GRB10: variants seen among roughly 807,000 people sequenced by gnomAD.
The protein encoded by GRB10 is growth factor receptor bound protein 10.
In GRB10, 20 loss-of-function variants were observed where a neutral mutation model predicts 80.9. That is an observed-to-expected ratio of 0.25 (90% CI 0.17 to 0.36). The LOEUF (loss-of-function observed/expected upper bound fraction) is 0.36. Among genes scored for constraint, GRB10 ranks in the 10% least tolerant of loss-of-function variants. The pLI, the probability that GRB10 is intolerant of heterozygous loss-of-function variation, is 1.00. For missense variants in GRB10, 548 were observed against 747.7 expected, an observed-to-expected ratio of 0.73 and a Z score of 3.12; for synonymous variants, 291 against 291.5, an observed-to-expected ratio of 1.00 and a Z score of 0.02.
At chr7:50,658,842 G>A (rs1250302167) in intron 7 of GRB10, among the ~76,000 whole-genome samples, 1 of 152,190 alleles carries the variant, frequency 6.6e-6, no homozygotes, top group African/African-American at 2.4e-5. Flanking sequence ...CTGCCTCGCT[G>A]CAATTGCATC....
intron 4 of GRB10, among the ~76,000 whole-genome samples, chr7:50,711,589 T>C (rs1315851312): frequency 1.3e-5 from 2 of 152,198 alleles, no homozygotes; most frequent in Non-Finnish European, 2.9e-5. Context: ...GAAGAGTGAC[T>C]ACCTGTGTCA....
chr7:50,697,366 C>T (rs559575653), intron 5 of GRB10, among the ~76,000 whole-genome samples: 1 of 152,172 alleles, frequency 6.6e-6, no homozygotes, highest in African/African-American at 2.4e-5. Flanking sequence ...ATTGCAAAAC[C>T]ACCCCCTTTC....
At chr7:50,786,094 AATAT>A (rs1023154300), upstream of GRB10, among the ~76,000 whole-genome samples, 2 of 152,110 alleles carry the variant, frequency 1.3e-5, no homozygotes, top group African/African-American at 4.8e-5. Context: ...AAAGAATATA[AATAT>A]ATATATAGAG....
chr7:50,666,687 C>T (rs1445748770), intron 7 of GRB10, among the ~76,000 whole-genome samples: 1 of 152,152 alleles, frequency 6.6e-6, no homozygotes, highest in Non-Finnish European at 1.5e-5. Context: ...CCTGGGGTCT[C>T]TGGACACCAG....
At chr7:50,614,422 G>A (rs544676507) in intron 12 of GRB10, among the ~76,000 whole-genome samples, 1 of 152,260 alleles carries the variant, frequency 6.6e-6, no homozygotes, top group Admixed American at 6.5e-5. Flanking sequence ...AGGCAACCCA[G>A]GTGACAGGCT....
intron 7 of GRB10, among the ~76,000 whole-genome samples, chr7:50,634,330 A>G (rs1236398365): frequency 6.6e-6 from 1 of 152,234 alleles, no homozygotes; most frequent in Non-Finnish European, 1.5e-5. Context: ...CCTTTCCCAG[A>G]TAAGCCAATG....
intron 6 of GRB10, among the ~76,000 whole-genome samples, chr7:50,671,809 T>C (rs2060381985): frequency 1.3e-5 from 2 of 152,248 alleles, no homozygotes; most frequent in African/African-American, 4.8e-5. Context: ...TTTTAAAAAG[T>C]CCTGTGTTGA....
chr7:50,652,387 C>G (rs986625632), intron 7 of GRB10, among the ~76,000 whole-genome samples: 3 of 152,144 alleles, frequency 2.0e-5, no homozygotes, highest in African/African-American at 4.8e-5. Flanking sequence ...AGTTGTTCAC[C>G]TACAGAACAA....
At chr7:50,687,285 G>A (rs1201219617) in intron 5 of GRB10, among the ~76,000 whole-genome samples, 1 of 152,192 alleles carries the variant, frequency 6.6e-6, no homozygotes, top group African/African-American at 2.4e-5. Flanking sequence ...GGAATCTATT[G>A]GCAGGATACA....
At position 50,732,288 on chromosome 7, in the gene GRB10, T is replaced by G. The variant is rs757371289; in HGVS notation, c.35A>C (p.His12Pro). The change falls in exon 4 of 19, where the codon CAC (histidine) becomes CCC (proline). Residue 12 changes from histidine to proline, a missense_variant. By Grantham distance (77) the His-to-Pro change is moderately conservative. Coordinates refer to ENST00000401949, the MANE Select transcript of GRB10 (RefSeq NM_001350814.2). ...ALAGCPDSFLHHPYYQDKVEQ... is the reference protein window; with the variant it reads ...ALAGCPDSFLPHPYYQDKVEQ... Reference sequence around the variant, plus strand: ...CGCCCATACCTGGTAGTACGGATGGTGCAAAAAGGAATCTGGGCAGCCGGC... The same window carrying G: ...CGCCCATACCTGGTAGTACGGATGGGGCAAAAAGGAATCTGGGCAGCCGGC... 4.3e-6 allele frequency: 7 copies of G among 1,613,716 alleles called. No homozygotes were observed. The highest frequency in any genetic ancestry group is 5.9e-6 in the Non-Finnish European group (7 of 1,179,948).
At chr7:50,695,932 C>T (rs1016810604) in intron 5 of GRB10, among the ~76,000 whole-genome samples, 2 of 152,056 alleles carry the variant, frequency 1.3e-5, no homozygotes, top group African/African-American at 4.8e-5. Flanking sequence ...ATATATTGTG[C>T]TCTTATTTTC....
upstream of GRB10, among the ~76,000 whole-genome samples, chr7:50,783,984 G>A (rs974928356): frequency 3.3e-5 from 5 of 152,232 alleles, no homozygotes; most frequent in African/African-American, 4.8e-5. Flanking sequence ...ATTCCAATAT[G>A]TTTAAGTCGA....
chr7:50,692,132 C>T (rs911309498), intron 5 of GRB10, among the ~76,000 whole-genome samples: 4 of 152,082 alleles, frequency 2.6e-5, no homozygotes, highest in African/African-American at 9.7e-5. Context: ...ATTTACATTG[C>T]ATTAAGTATT....
At chr7:50,668,465 T>A (rs1047730652) in intron 7 of GRB10, among the ~76,000 whole-genome samples, 1 of 152,128 alleles carries the variant, frequency 6.6e-6, no homozygotes, top group Non-Finnish European at 1.5e-5. Flanking sequence ...TGAGGCCGGG[T>A]CACACTCAGC....
chr7:50,594,900 T>C (rs2046371525), intron 18 of GRB10, among the ~76,000 whole-genome samples: 1 of 152,184 alleles, frequency 6.6e-6, no homozygotes, highest in South Asian at 2.1e-4. Context: ...AGAAACAAAA[T>C]TACTCTTTGG....
At position 50,714,401 on chromosome 7, in the gene GRB10, T is replaced by C. The variant is rs1290550449; in HGVS notation, c.52-10493A>G. On this transcript the variant is annotated intron_variant, in intron 4 of 18. Transcript: ENST00000401949. ...ACTTGAGGCCAGGAGCAGTGGCTCA[T>C]GCCTGTAATCCCAGCACTTTGGGAG... Among the ~76,000 whole-genome samples the C allele has an allele frequency of 2.8e-4, 42 of 152,202 alleles. 1 individual carries two copies. Among genetic ancestry groups the C allele is most frequent in the Admixed American group, 2.6e-3 (40 of 15,276 alleles).
At chr7:50,785,969 T>C (rs1175994799), upstream of GRB10, among the ~76,000 whole-genome samples, 3 of 152,258 alleles carry the variant, frequency 2.0e-5, no homozygotes, top group African/African-American at 4.8e-5. Context: ...ATGTACAGGA[T>C]TCCCAGTAGT....
chr7:50,609,115 C>T (rs1039393773), intron 13 of GRB10, among the ~76,000 whole-genome samples: 1 of 151,980 alleles, frequency 6.6e-6, no homozygotes, highest in East Asian at 1.9e-4. Flanking sequence ...AGAGGTGGGA[C>T]AACCTGGAAA....
At chr7:50,732,440 A>C in intron 3 of GRB10, 72 bp from the exon 4 acceptor site, 2 of 907,756 alleles carry the variant, frequency 2.2e-6, no homozygotes, top group Non-Finnish European at 3.6e-6. Flanking sequence ...TGGCTGGTTC[A>C]AGTGTGACAT....
Sources: gnomAD v4.1 joint callset for allele counts (sites outside exome capture counted in the v4.1 genomes callset) on GRCh38, gnomAD v4.1.1 for gene constraint, MANE v1.5 for transcripts, NCBI Gene and HGNC (gene_info 2026-07-23, HGNC 2026-07-21) for gene names.